Variants in SLCO1A2 observed in about 807,000 individuals in gnomAD.
SLCO1A2 encodes OATP-1.
SLCO1A2 carries 67 observed loss-of-function variants against 69.0 expected under a neutral mutation model. That is an observed-to-expected ratio of 0.97 (90% CI 0.80 to 1.19). SLCO1A2 has a LOEUF of 1.19. Ranked by LOEUF, SLCO1A2 falls within the 50% of genes most tolerant of loss-of-function variation. The pLI is 0.00. For synonymous variants in SLCO1A2, 260 were observed against 265.9 expected (o/e 0.98, Z 0.22); for missense variants, 787 against 793.7 (o/e 0.99, Z 0.10).
intron 1 of SLCO1A2, among the ~76,000 whole-genome samples, chr12:21,407,696 T>C (rs1032061756): frequency 3.9e-5 from 6 of 152,052 alleles, no homozygotes; most frequent in African/African-American, 1.4e-4. Flanking sequence ...AGCTACTCCC[T>C]ACTCAGGAGG....
Position 21,269,015 on chromosome 12 carries a change from A to T in SLCO1A2, c.*533T>A, listed in dbSNP as rs1327305882. 6.6e-6 allele frequency: 1 copy of T among 152,196 alleles called. No individual in the cohort carries two copies. Among genetic ancestry groups the T allele is most frequent in the Non-Finnish European group, 1.5e-5 (1 of 68,096 alleles). 9.4% of individuals were successfully genotyped at this position (152,196 alleles called of 1,614,324 possible). The stretch of plus-strand genomic sequence containing the variant: ...AGGGTATATTTATGAGTAATCTATT[A>T]TATAGGAGTCATGCCTAGAATGAAT... On this transcript the variant is annotated 3_prime_UTR_variant, in exon 15 of 15. Coordinates refer to ENST00000683939, the MANE Select transcript of SLCO1A2 (RefSeq NM_001386879.1).
intron 2 of SLCO1A2, among the ~76,000 whole-genome samples, chr12:21,371,531 T>C (rs1396461302): frequency 2.6e-5 from 4 of 152,310 alleles, no homozygotes; most frequent in Admixed American, 2.6e-4. Context: ...CTTCAAACAA[T>C]GTTACAAAGC....
intron 2 of SLCO1A2, among the ~76,000 whole-genome samples, chr12:21,367,140 C>A (rs2137072047): frequency 6.6e-6 from 1 of 152,164 alleles, no homozygotes; most frequent in East Asian, 1.9e-4. Context: ...AAATCAAAAA[C>A]TGCTTTTCTT....
intron 11 of SLCO1A2, 115 bp downstream of exon 11, chr12:21,293,830 A>C (rs1947291929): frequency 2.5e-6 from 2 of 804,668 alleles, no homozygotes; most frequent in Non-Finnish European, 3.6e-6. Flanking sequence ...ACATACAAAA[A>C]AAGTAATATG....
At chr12:21,359,026 G>C (rs1306654280) in intron 2 of SLCO1A2, among the ~76,000 whole-genome samples, 1 of 152,188 alleles carries the variant, frequency 6.6e-6, no homozygotes, top group Admixed American at 6.5e-5. Flanking sequence ...GCTTAGCTAA[G>C]ACAGCAATGT....
intron 4 of SLCO1A2, among the ~76,000 whole-genome samples, chr12:21,310,958 G>A (rs1950075436): frequency 6.6e-6 from 1 of 152,128 alleles, no homozygotes; most frequent in Non-Finnish European, 1.5e-5. Context: ...TCCAAAATTG[G>A]AGTCAATCCT....
intron 1 of SLCO1A2, among the ~76,000 whole-genome samples, chr12:21,382,869 A>G (rs995771974): frequency 2.0e-5 from 3 of 152,118 alleles, no homozygotes; most frequent in Non-Finnish European, 4.4e-5. Context: ...AAGATCACAT[A>G]GTCAGGATGG....
In SLCO1A2 at chr12:21,417,207, A is replaced by G. The variant is rs183417782; in HGVS notation, c.-312+675T>C. The stretch of plus-strand genomic sequence containing the variant: ...CAAGGCAATTTTAATTACAAGAAAA[A>G]CAAAAAGTTGTACAAGAAATGTAAT... On this transcript the variant is annotated intron_variant, in intron 1 of 4. Transcript: ENST00000413682. Among the ~76,000 whole-genome samples the G allele has an allele frequency of 1.1e-3, 161 of 152,178 alleles. 1 individual carries two copies. The highest frequency in any genetic ancestry group is 0.01 in the Admixed American group (160 of 15,278).
At position 21,406,213 on chromosome 12, in the gene SLCO1A2, C is replaced by T. The variant is rs534477408; in HGVS notation, c.-312+11669G>A. 5.3e-5 allele frequency among the ~76,000 whole-genome samples: 8 copies of T among 152,316 alleles called. 1 individual carries two copies. Among genetic ancestry groups the T allele is most frequent in the Admixed American group, 3.3e-4 (5 of 15,290 alleles). ...GTGTGTGTGTGTATGCGTGCATGCA[C>T]GCGCAACACTTGGTAACCAAGTCAG... is the stretch of plus-strand genomic sequence containing the variant. On this transcript the variant is annotated intron_variant, in intron 1 of 4. Transcript: ENST00000413682.
chr12:21,337,116 T>C (rs1591859914), upstream of SLCO1A2, among the ~76,000 whole-genome samples: 1 of 152,066 alleles, frequency 6.6e-6, no homozygotes, highest in Admixed American at 6.6e-5. Context: ...CTTACATTTT[T>C]AAGTGCACAG....
chr12:21,394,874 C>T (rs1941358914), intron 1 of SLCO1A2: 2 of 152,162 alleles, frequency 1.3e-5, no homozygotes, highest in South Asian at 2.1e-4. Context: ...ATAACAGATC[C>T]TTCCACTACT....
chr12:21,276,256 A>G (rs1943805031), intron 12 of SLCO1A2, among the ~76,000 whole-genome samples: 1 of 152,166 alleles, frequency 6.6e-6, no homozygotes, highest in Non-Finnish European at 1.5e-5. Context: ...CTGTATAAAA[A>G]GTAAATTTTT....
intron 2 of SLCO1A2, among the ~76,000 whole-genome samples, chr12:21,361,234 G>A (rs1432943441): frequency 6.6e-6 from 1 of 152,172 alleles, no homozygotes; most frequent in Non-Finnish European, 1.5e-5. Context: ...TGCAATATTA[G>A]CTGTTCTTCA....
At chr12:21,395,141 A>G (rs10841804) in exon 1 of SLCO1A2, 16,719 of 155,318 alleles carry the variant, frequency 0.11, 1,146 homozygotes, top group East Asian at 0.38. Flanking sequence ...AGTGCCAGAC[A>G]ATGGGCGCAG....
At chr12:21,275,456 AAAAT>A (rs780408809) in intron 12 of SLCO1A2, 32 bp from the exon 13 acceptor site, 1 of 1,415,434 alleles carries the variant, frequency 7.1e-7, no homozygotes, top group African/African-American at 1.5e-5. Context: ...AAATAAAAGA[AAAAT>A]AAAGATTTAA....
At chr12:21,393,270 G>T (rs1432788997) in intron 1 of SLCO1A2, among the ~76,000 whole-genome samples, 3 of 152,086 alleles carry the variant, frequency 2.0e-5, no homozygotes, top group African/African-American at 7.2e-5. Context: ...CACAGCCATG[G>T]TTCACACTGC....
chr12:21,380,163 T>C (rs967413972), intron 1 of SLCO1A2, among the ~76,000 whole-genome samples: 5 of 152,148 alleles, frequency 3.3e-5, no homozygotes, highest in Admixed American at 2.6e-4. Flanking sequence ...AAATATGTAA[T>C]TTATAATATG....
intron 1 of SLCO1A2, among the ~76,000 whole-genome samples, chr12:21,391,917 T>A (rs1243303991): frequency 2.6e-5 from 4 of 152,180 alleles, no homozygotes; most frequent in African/African-American, 7.2e-5. Flanking sequence ...TCTCTATTTT[T>A]CATCCTAGTT....
intron 2 of SLCO1A2, among the ~76,000 whole-genome samples, chr12:21,363,694 A>AT (rs1348099091): frequency 1.3e-5 from 2 of 152,224 alleles, no homozygotes; most frequent in East Asian, 1.9e-4. Flanking sequence ...AACAGAAGCA[A>AT]TAAAAAATGA....
Sources: allele counts gnomAD v4.1 joint callset (sites outside exome capture counted in the v4.1 genomes callset), GRCh38; gene constraint gnomAD v4.1.1; transcripts MANE v1.5; gene names NCBI Gene and HGNC (gene_info 2026-07-23, HGNC 2026-07-21).